UBE2V2: variants seen among roughly 807,000 people sequenced by gnomAD.
The protein encoded by UBE2V2 is ubiquitin-conjugating enzyme E2 variant 2.
Under a neutral mutation model 17.2 loss-of-function variants are expected in UBE2V2, and 9 were observed. The ratio of observed to expected loss-of-function variants is 0.52; its 90% CI spans 0.32 to 0.91. The LOEUF (loss-of-function observed/expected upper bound fraction) is 0.91, where lower values mean the gene tolerates loss of function less well. Ranked by LOEUF, UBE2V2 falls within the 40% of genes least tolerant of loss-of-function variation. UBE2V2 has a pLI of 0.04. For missense variants in UBE2V2, 133 were observed against 182.6 expected (o/e 0.73, Z 1.56); for synonymous variants, 61 against 57.5 (o/e 1.06, Z -0.28).
At chr8:48,058,221 C>T (rs1183298748) in intron 3 of UBE2V2, among the ~76,000 whole-genome samples, 2 of 152,096 alleles carry the variant, frequency 1.3e-5, no homozygotes, top group African/African-American at 4.8e-5. Context: ...GTAATCCCAG[C>T]ACTTTGGGAG....
chr8:48,035,622 T>TTG (rs1318850185), intron 1 of UBE2V2, among the ~76,000 whole-genome samples: 1 of 134,350 alleles, frequency 7.4e-6, no homozygotes, highest in Non-Finnish European at 1.6e-5. Context: ...AATTATTGTT[T>TTG]TTTTTTTTTT....
In UBE2V2 at chr8:48,017,354, A is replaced by G. The variant is rs1034779025; in HGVS notation, c.16+8884A>G. 6.5e-4 allele frequency among the ~76,000 whole-genome samples: 99 copies of G among 151,282 alleles called. 3 individuals are homozygous for G. The highest frequency in any genetic ancestry group is 3.3e-4 in the Admixed American group (5 of 15,188). Reference sequence around the variant, plus strand: ...AGATATATAGTTTACGAGTATAGTGAACCATTCTGTATGTTCTCTCTCTCT... The same window carrying G: ...AGATATATAGTTTACGAGTATAGTGGACCATTCTGTATGTTCTCTCTCTCT... On this transcript the variant is annotated intron_variant, in intron 1 of 3. Coordinates refer to ENST00000523111, the MANE Select transcript of UBE2V2 (RefSeq NM_003350.3).
intron 1 of UBE2V2, among the ~76,000 whole-genome samples, chr8:48,014,069 A>C (rs1243593785): frequency 2.0e-5 from 3 of 152,228 alleles, no homozygotes; most frequent in African/African-American, 7.2e-5. Context: ...AAACGATAGA[A>C]GAGCTGAACT....
intron 1 of UBE2V2, among the ~76,000 whole-genome samples, chr8:48,026,514 T>G (rs1039376358): frequency 1.1e-4 from 17 of 152,224 alleles, no homozygotes; most frequent in African/African-American, 3.6e-4. Context: ...TATATGTAAC[T>G]GTGGTCATTT....
chr8:48,025,961 T>A (rs866007056), intron 1 of UBE2V2, among the ~76,000 whole-genome samples: 2 of 152,244 alleles, frequency 1.3e-5, no homozygotes, highest in African/African-American at 4.8e-5. Context: ...ATTGGGAGTG[T>A]TTTAAGTGTT....
chr8:48,007,889 TCGTTTATCAA>T (rs1362623638), upstream of UBE2V2, among the ~76,000 whole-genome samples: 6 of 152,210 alleles, frequency 3.9e-5, no homozygotes, highest in Admixed American at 6.5e-5. Flanking sequence ...CTCTTTTGAA[TCGTTTATCAA>T]CGCAAATCTG....
upstream of UBE2V2, among the ~76,000 whole-genome samples, chr8:48,008,120 C>A (rs185629328): frequency 2.2e-4 from 33 of 152,214 alleles, no homozygotes; most frequent in Middle Eastern, 6.8e-3. Context: ...CGGGGTTTCG[C>A]CATGTTGGCC....
the UBE2V2 span, among the ~76,000 whole-genome samples, chr8:47,998,934 G>A: frequency 1.3e-5 from 2 of 152,148 alleles, no homozygotes; most frequent in South Asian, 2.1e-4. Flanking sequence ...TGGTATGGCC[G>A]CATCCTGGGG....
chr8:48,011,217 G>C lies in UBE2V2; in HGVS notation c.16+2747G>C, dbSNP rs558993846. On this transcript the variant is annotated intron_variant, in intron 1 of 3. Transcript: ENST00000523111. Reference sequence around the variant, plus strand: ...GAGTCTCGCCTTGTTGCTCAGGCTGGAGTGCAATGGTGCGATCTCGGCTGA... The same window carrying C: ...GAGTCTCGCCTTGTTGCTCAGGCTGCAGTGCAATGGTGCGATCTCGGCTGA... Among the ~76,000 whole-genome samples, 4 of 152,274 alleles carry C rather than the reference G, an allele frequency of 2.6e-5. No homozygotes were observed. In the South Asian group the frequency reaches 8.3e-4, roughly 32 times the overall value.
At chr8:48,037,592 C>A (rs533703622) in intron 1 of UBE2V2, among the ~76,000 whole-genome samples, 46 of 152,312 alleles carry the variant, frequency 3.0e-4, no homozygotes, top group African/African-American at 1.1e-3. Context: ...TTACGCTTCT[C>A]CTTCTCTAAT....
chr8:48,009,548 G>C lies in UBE2V2; in HGVS notation c.16+1078G>C, dbSNP rs142790328. ...CCCAGAGTGCTGGAATTACAGGTGT[G>C]AGCCACCGCGCTCGGCCTGATCTGC... is the stretch of plus-strand genomic sequence containing the variant. On this transcript the variant is annotated intron_variant, in intron 1 of 3. Transcript: ENST00000523111. Among the ~76,000 whole-genome samples the C allele has an allele frequency of 3.5e-3, 535 of 152,246 alleles. 2 individuals are homozygous for C. Among genetic ancestry groups the C allele is most frequent in the African/African-American group, 0.012 (504 of 41,544 alleles).
At position 48,043,130 on chromosome 8, in the gene UBE2V2, T is replaced by G; in HGVS notation, c.114T>G (p.Asp38Glu). Residue 38 changes from aspartate to glutamate, a missense_variant, in exon 2 of 4, where the codon GAT becomes GAG. Asp to Glu is a conservative substitution (Grantham distance 45). Coordinates refer to ENST00000523111, the MANE Select transcript of UBE2V2 (RefSeq NM_003350.3). ...CAGTTAGCTGGGGCCTTGAAGATGA[T>G]GAAGATATGACACTTACAAGGTGGA... ...DGTVSWGLED[D>E]EDMTLTRWTG... 6.3e-7 allele frequency: 1 copy of G among 1,596,124 alleles called. No homozygotes were observed. Among genetic ancestry groups the G allele is most frequent in the Non-Finnish European group, 8.6e-7 (1 of 1,169,250 alleles).
the UBE2V2 span, among the ~76,000 whole-genome samples, chr8:48,000,078 C>G: frequency 6.6e-6 from 1 of 152,246 alleles, no homozygotes; most frequent in African/African-American, 2.4e-5. Flanking sequence ...ACCAGGCTGT[C>G]TGCCTGTGGA....
intron 2 of UBE2V2, among the ~76,000 whole-genome samples, chr8:48,048,108 C>A (rs1265704317): frequency 2.0e-5 from 3 of 149,820 alleles, no homozygotes; most frequent in Non-Finnish European, 4.4e-5. Context: ...TACTGAGATA[C>A]AGAACATTCC....
intron 3 of UBE2V2, among the ~76,000 whole-genome samples, chr8:48,051,927 C>G (rs1016413768): frequency 6.6e-6 from 1 of 152,204 alleles, no homozygotes; most frequent in South Asian, 2.1e-4. Flanking sequence ...GAGAGTCTCT[C>G]CAGCCCTCAC....
chr8:48,044,183 C>T (rs952264689), intron 2 of UBE2V2, among the ~76,000 whole-genome samples: 18 of 152,026 alleles, frequency 1.2e-4, no homozygotes, highest in African/African-American at 4.3e-4. Flanking sequence ...ATTATTGAGA[C>T]AACATCTTGT....
At chr8:48,008,341 C>A (rs950875885), upstream of UBE2V2, 20 of 1,363,650 alleles carry the variant, frequency 1.5e-5, no homozygotes, top group African/African-American at 4.6e-5. Flanking sequence ...CGGGTCGCCC[C>A]GCGCCCGCCG....
chr8:48,007,958 T>C (rs1431531866), upstream of UBE2V2, among the ~76,000 whole-genome samples: 1 of 152,188 alleles, frequency 6.6e-6, no homozygotes, highest in African/African-American at 2.4e-5. Flanking sequence ...AGTCTCGCTC[T>C]GTTGTCCAGG....
At chr8:48,021,304 C>CTT (rs1169402032) in intron 1 of UBE2V2, among the ~76,000 whole-genome samples, 138 of 125,952 alleles carry the variant, frequency 1.1e-3, no homozygotes, top group African/African-American at 1.6e-3. Flanking sequence ...GTCTCGAACC[C>CTT]TTTTTTTTTT....
Sources: gnomAD v4.1 joint callset for allele counts (sites outside exome capture counted in the v4.1 genomes callset) on GRCh38, gnomAD v4.1.1 for gene constraint, MANE v1.5 for transcripts, NCBI Gene and HGNC (gene_info 2026-07-23, HGNC 2026-07-21) for gene names.